The following KIAA1328 variants were observed in gnomAD, a reference collection of about 807,000 sequenced individuals.
KIAA1328 encodes the protein KIAA1328.
A neutral mutation model predicts 68.1 loss-of-function variants in KIAA1328; 52 were observed. The ratio of observed to expected loss-of-function variants is 0.76; its 90% CI spans 0.61 to 0.96. The LOEUF is 0.96. KIAA1328 is among the 40% of genes least tolerant of loss of function. KIAA1328 has a pLI of 0.00. For synonymous variants in KIAA1328, 232 were observed against 239.4 expected, an observed-to-expected ratio of 0.97 and a Z score of 0.28; for missense variants, 641 against 677.6, an observed-to-expected ratio of 0.95 and a Z score of 0.60.
chr18:37,161,515 A>G (rs2059279261), intron 8 of KIAA1328, among the ~76,000 whole-genome samples: 1 of 152,262 alleles, frequency 6.6e-6, no homozygotes, highest in Admixed American at 6.5e-5. Flanking sequence ...GTAGACTTCC[A>G]TTGTTTTAGA....
chr18:36,879,954 A>G (rs1182035632), intron 4 of KIAA1328, among the ~76,000 whole-genome samples: 1 of 152,128 alleles, frequency 6.6e-6, no homozygotes, highest in Non-Finnish European at 1.5e-5. Flanking sequence ...GGTGGATCTT[A>G]GCTTGTTGGG....
chr18:37,141,401 C>T (rs1489406258), intron 7 of KIAA1328, among the ~76,000 whole-genome samples: 2 of 152,116 alleles, frequency 1.3e-5, no homozygotes, highest in African/African-American at 4.8e-5. Context: ...GAGATATAGC[C>T]AAATTGCTGC....
chr18:36,993,240 C>T (rs2053260432), intron 6 of KIAA1328, among the ~76,000 whole-genome samples: 1 of 152,160 alleles, frequency 6.6e-6, no homozygotes, highest in Admixed American at 6.5e-5. Context: ...ATTCCATTGG[C>T]CTCTACACTT....
intron 7 of KIAA1328, among the ~76,000 whole-genome samples, chr18:37,117,371 T>A (rs1295350589): frequency 6.6e-6 from 1 of 152,142 alleles, no homozygotes; most frequent in African/African-American, 2.4e-5. Flanking sequence ...AAACCATCAT[T>A]CTGAGCAAAC....
intron 5 of KIAA1328, among the ~76,000 whole-genome samples, chr18:36,949,807 C>T (rs1166425287): frequency 6.8e-6 from 1 of 147,692 alleles, no homozygotes; most frequent in Non-Finnish European, 1.5e-5. Flanking sequence ...GTGTCCAGAG[C>T]ATTGAGTTTT....
chr18:37,035,899 T>A (rs1197691128), intron 6 of KIAA1328, among the ~76,000 whole-genome samples: 2 of 152,192 alleles, frequency 1.3e-5, no homozygotes, highest in Admixed American at 6.5e-5. Context: ...TTACTCTTTT[T>A]TTCTCTCTCT....
At position 37,067,318 on chromosome 18, in the gene KIAA1328, C is replaced by G; in HGVS notation, c.1005C>G (p.Cys335Trp). 1 of 1,613,960 alleles carries G rather than the reference C, an allele frequency of 6.2e-7. No individual in the cohort carries two copies. The highest frequency in any genetic ancestry group is 1.1e-5 in the South Asian group (1 of 91,086). ...PQHPKTHPESCSYCRLSWASL... is the reference protein window; with the variant it reads ...PQHPKTHPESWSYCRLSWASL... ...ATCCTAAGACACATCCAGAATCATG[C>G]AGTTATTGTCGGCTTTCTTGGGCAT... Residue 335 changes from cysteine (C) to tryptophan (W), a missense_variant, in exon 7 of 10, where the codon TGC becomes TGG. By Grantham distance (215) the Cys-to-Trp change is radical. Transcript: ENST00000280020.
intron 6 of KIAA1328, among the ~76,000 whole-genome samples, chr18:37,039,844 C>A (rs1026804387): frequency 6.6e-6 from 1 of 152,146 alleles, no homozygotes; most frequent in Non-Finnish European, 1.5e-5. Context: ...ATACTACAGA[C>A]GTGAAATGTA....
intron 7 of KIAA1328, among the ~76,000 whole-genome samples, chr18:37,115,006 A>T (rs1027835617): frequency 6.6e-6 from 1 of 152,226 alleles, no homozygotes; most frequent in Non-Finnish European, 1.5e-5. Context: ...AGGCTCTGAA[A>T]TTGAGGCAAT....
intron 5 of KIAA1328, among the ~76,000 whole-genome samples, chr18:36,890,302 T>C (rs997428034): frequency 4.6e-5 from 7 of 151,294 alleles, no homozygotes; most frequent in African/African-American, 1.7e-4. Context: ...CATATCCAAA[T>C]CAATGATATT....
intron 6 of KIAA1328, among the ~76,000 whole-genome samples, chr18:37,012,520 G>A (rs2054012292): frequency 6.6e-6 from 1 of 152,190 alleles, no homozygotes; most frequent in Admixed American, 6.6e-5. Flanking sequence ...GGCTGCAAGG[G>A]AGTGTGGAAT....
chr18:37,194,421 T>C (rs577129953), intron 9 of KIAA1328, among the ~76,000 whole-genome samples: 6 of 152,354 alleles, frequency 3.9e-5, no homozygotes, highest in Admixed American at 3.3e-4. Context: ...ATTAGTCTTT[T>C]TCTTTTTTAT....
At chr18:37,162,385 A>G (rs1045227010) in intron 8 of KIAA1328, among the ~76,000 whole-genome samples, 1 of 151,906 alleles carries the variant, frequency 6.6e-6, no homozygotes, top group Non-Finnish European at 1.5e-5. Context: ...ACCGCCTTGT[A>G]TTTTCCTTTT....
intron 6 of KIAA1328, among the ~76,000 whole-genome samples, chr18:36,992,451 C>CTTTTTTTTTTTTTT (rs71168252): frequency 6.5e-4 from 85 of 130,072 alleles, no homozygotes; most frequent in African/African-American, 1.8e-3. Context: ...TCTTTTCTTT[C>CTTTTTTTTTTTTTT]TTTTTTTTTT....
Position 36,858,979 on chromosome 18 carries a change from A to G in KIAA1328, c.332+14677A>G, listed in dbSNP as rs1227671848. On this transcript the variant is annotated intron_variant, in intron 4 of 9. Transcript: ENST00000280020. ...ATGACTTTCCAAAAATTCCAGTACC[A>G]CTTATTAAGTTTTTCATTTTTTCCC... is the stretch of plus-strand genomic sequence containing the variant. Among the ~76,000 whole-genome samples, 3 of 152,234 alleles carry G rather than the reference A, an allele frequency of 2.0e-5. No individual in the cohort carries two copies. In the East Asian group the frequency reaches 5.8e-4, roughly 29 times the overall value.
Position 37,165,837 on chromosome 18 carries a change from C to T in KIAA1328, c.1414+5456C>T, listed in dbSNP as rs192214996. Among the ~76,000 whole-genome samples, 7 of 152,050 alleles carry T rather than the reference C, an allele frequency of 4.6e-5. No homozygotes were observed. In the East Asian group the frequency reaches 1.4e-3, roughly 29 times the overall value. ...CAAACTCCTGACCTCAGGTAGGCAC[C>T]GCGCCAGGGCAGATGGAGGCTTTTT... On this transcript the variant is annotated intron_variant, in intron 8 of 9. Transcript: ENST00000280020.
Position 37,087,404 on chromosome 18 carries a change from A to T in KIAA1328, c.1232+19859A>T, listed in dbSNP as rs376764631. On this transcript the variant is annotated intron_variant, in intron 7 of 9. Coordinates refer to ENST00000280020, the MANE Select transcript of KIAA1328 (RefSeq NM_020776.3). Reference sequence around the variant, plus strand: ...AAAACATCTTATTCTTAGAAAGGCCATTTTTTAAAATAAGAACTCATTCTC... The same window carrying T: ...AAAACATCTTATTCTTAGAAAGGCCTTTTTTTAAAATAAGAACTCATTCTC... 1.6e-4 allele frequency among the ~76,000 whole-genome samples: 24 copies of T among 152,224 alleles called. No homozygotes were observed. In the East Asian group the frequency reaches 2.1e-3, roughly 13 times the overall value.
intron 9 of KIAA1328, among the ~76,000 whole-genome samples, chr18:37,212,840 C>T (rs1412105943): frequency 2.0e-5 from 3 of 152,188 alleles, no homozygotes; most frequent in Non-Finnish European, 4.4e-5. Context: ...GCTGCCTCAG[C>T]CTCCCGAGTA....
At chr18:37,100,478 C>T (rs927057147) in intron 7 of KIAA1328, among the ~76,000 whole-genome samples, 1 of 152,174 alleles carries the variant, frequency 6.6e-6, no homozygotes, top group Non-Finnish European at 1.5e-5. Context: ...GGGGGAGGGG[C>T]GCCCACCATT....
Sources: allele counts gnomAD v4.1 joint callset (sites outside exome capture counted in the v4.1 genomes callset), GRCh38; gene constraint gnomAD v4.1.1; transcripts MANE v1.5; gene names NCBI Gene and HGNC (gene_info 2026-07-23, HGNC 2026-07-21).